PLCB4: variants seen among roughly 807,000 people sequenced by gnomAD.
PLCB4 encodes phospholipase C beta 4.
PLCB4 carries 77 observed loss-of-function variants against 178.8 expected under a neutral mutation model. The observed-to-expected ratio is 0.43, with a 90% CI of 0.36 to 0.52. PLCB4 has a LOEUF of 0.52. Among genes scored for constraint, PLCB4 ranks in the 20% least tolerant of loss-of-function variants. The probability of loss-of-function intolerance (pLI) is 0.00; values close to 1 mark genes in which losing one functional copy is unlikely to be tolerated. For missense variants in PLCB4, 1,024 were observed against 1,453.4 expected (o/e 0.70, Z 4.80); for synonymous variants, 496 against 490.8 (o/e 1.01, Z -0.14).
At chr20:9,339,778 C>G (rs2032958242) in intron 7 of PLCB4, among the ~76,000 whole-genome samples, 4 of 152,034 alleles carry the variant, frequency 2.6e-5, no homozygotes, top group African/African-American at 4.8e-5. Context: ...AAATCCAAAC[C>G]CCCCCTCCCA....
At chr20:9,454,076 C>T (rs2042922971) in intron 33 of PLCB4, among the ~76,000 whole-genome samples, 1 of 152,196 alleles carries the variant, frequency 6.6e-6, no homozygotes, top group South Asian at 2.1e-4. Flanking sequence ...CTCAATCTCT[C>T]CCTGTCTTTT....
chr20:9,432,068 A>C (rs959578860), intron 28 of PLCB4, among the ~76,000 whole-genome samples: 7 of 152,220 alleles, frequency 4.6e-5, no homozygotes, highest in African/African-American at 1.7e-4. Flanking sequence ...AGTTTGATAT[A>C]GAAAATCAAT....
intron 32 of PLCB4, among the ~76,000 whole-genome samples, chr20:9,452,476 TAAC>T (rs1226001114): frequency 6.6e-6 from 1 of 152,176 alleles, no homozygotes; most frequent in Non-Finnish European, 1.5e-5. Flanking sequence ...GGTTAGGCTA[TAAC>T]ATCAAGTGTC....
intron 2 of PLCB4, among the ~76,000 whole-genome samples, chr20:9,124,263 C>T (rs1047894227): frequency 7.9e-5 from 12 of 152,134 alleles, no homozygotes; most frequent in South Asian, 4.2e-4. Flanking sequence ...CCCAGAACTT[C>T]GGGAGACTGA....
chr20:9,426,711 C>T (rs542367781), intron 28 of PLCB4, among the ~76,000 whole-genome samples: 1 of 152,144 alleles, frequency 6.6e-6, no homozygotes, highest in East Asian at 1.9e-4. Flanking sequence ...TTAAATCTTA[C>T]TATACTGCTA....
chr20:9,211,234 A>G (rs2093669814), intron 2 of PLCB4, among the ~76,000 whole-genome samples: 1 of 152,158 alleles, frequency 6.6e-6, no homozygotes, highest in Non-Finnish European at 1.5e-5. Flanking sequence ...ATGAGTCCTA[A>G]CACCGCCTGC....
chr20:9,185,763 C>A (rs2093320907), intron 2 of PLCB4, among the ~76,000 whole-genome samples: 1 of 152,172 alleles, frequency 6.6e-6, no homozygotes, highest in African/African-American at 2.4e-5. Context: ...CACTGGCTTC[C>A]TCGCTGCTCT....
intron 32 of PLCB4, among the ~76,000 whole-genome samples, chr20:9,446,513 A>G (rs1327456357): frequency 1.3e-5 from 2 of 152,200 alleles, no homozygotes; most frequent in African/African-American, 4.8e-5. Context: ...GCCCGGCCCA[A>G]GCTAACTTCT....
At chr20:9,421,976 A>G (rs142063769) in intron 27 of PLCB4, among the ~76,000 whole-genome samples, 10 of 152,214 alleles carry the variant, frequency 6.6e-5, no homozygotes, top group African/African-American at 9.6e-5. Flanking sequence ...CTAATACCGT[A>G]TGTTGGATCC....
At chr20:9,282,282 G>A (rs2094500924) in intron 3 of PLCB4, among the ~76,000 whole-genome samples, 1 of 151,948 alleles carries the variant, frequency 6.6e-6, no homozygotes, top group Non-Finnish European at 1.5e-5. Flanking sequence ...AGAAAAGTAG[G>A]TAGGAGAGAT....
intron 4 of PLCB4, among the ~76,000 whole-genome samples, chr20:9,331,194 G>GAAA (rs2031590426): frequency 6.6e-6 from 1 of 152,140 alleles, no homozygotes. Flanking sequence ...TTCTTTCCCA[G>GAAA]AAAACGCAGT....
chr20:9,196,024 A>C (rs1244260129), intron 2 of PLCB4, among the ~76,000 whole-genome samples: 1 of 152,212 alleles, frequency 6.6e-6, no homozygotes, highest in African/African-American at 2.4e-5. Flanking sequence ...AGCCTTGCTT[A>C]GGAGTGCAAA....
intron 35 of PLCB4, among the ~76,000 whole-genome samples, chr20:9,468,052 C>T (rs557337331): frequency 1.1e-4 from 17 of 152,220 alleles, no homozygotes; most frequent in Admixed American, 4.6e-4. Context: ...ACAGGAAGGC[C>T]GTTTGTGATG....
At chr20:9,280,811 T>C (rs925357778) in intron 3 of PLCB4, among the ~76,000 whole-genome samples, 6 of 151,790 alleles carry the variant, frequency 4.0e-5, no homozygotes, top group Non-Finnish European at 1.5e-5. Flanking sequence ...CAGCAGAAAG[T>C]AGTGTATCAG....
chr20:9,366,754 C>G (rs1473877926), intron 9 of PLCB4, among the ~76,000 whole-genome samples: 1 of 152,204 alleles, frequency 6.6e-6, no homozygotes, highest in African/African-American at 2.4e-5. Context: ...GATTCGTGAA[C>G]CTAAGCCCAC....
intron 3 of PLCB4, among the ~76,000 whole-genome samples, chr20:9,219,151 G>T (rs780388745): frequency 2.6e-5 from 4 of 152,208 alleles, no homozygotes; most frequent in Non-Finnish European, 5.9e-5. Flanking sequence ...CTACATTAAG[G>T]AGTGTAAATG....
intron 2 of PLCB4, among the ~76,000 whole-genome samples, chr20:9,136,082 A>G (rs888591072): frequency 2.6e-5 from 4 of 152,180 alleles, no homozygotes; most frequent in African/African-American, 7.2e-5. Flanking sequence ...ACTTTAGTGC[A>G]GAGTAAAAAC....
chr20:9,214,140 T>G (rs1259069803), intron 2 of PLCB4, among the ~76,000 whole-genome samples: 1 of 152,236 alleles, frequency 6.6e-6, no homozygotes, highest in East Asian at 1.9e-4. Context: ...TTTTTTCTTT[T>G]GTTCTTCATG....
At chr20:9,419,047 A>G (rs2040446442) in intron 25 of PLCB4, among the ~76,000 whole-genome samples, 1 of 151,962 alleles carries the variant, frequency 6.6e-6, no homozygotes, top group Non-Finnish European at 1.5e-5. Context: ...TTATTCCAAT[A>G]GTTTTTTTAG....
Sources: gnomAD v4.1 joint callset for allele counts (sites outside exome capture counted in the v4.1 genomes callset) on GRCh38, gnomAD v4.1.1 for gene constraint, MANE v1.5 for transcripts, NCBI Gene and HGNC (gene_info 2026-07-23, HGNC 2026-07-21) for gene names.